Variants in PTPRM observed in about 807,000 individuals in gnomAD.
PTPRM encodes protein tyrosine phosphatase receptor type M, also known as receptor-type tyrosine-protein phosphatase mu.
A neutral mutation model predicts 186.7 loss-of-function variants in PTPRM; 47 were observed. The ratio of observed to expected loss-of-function variants is 0.25; its 90% CI spans 0.20 to 0.32. The LOEUF (loss-of-function observed/expected upper bound fraction) is 0.32. Ranked by LOEUF, PTPRM falls within the 10% of genes least tolerant of loss-of-function variation. The probability of loss-of-function intolerance (pLI) is 1.00; values close to 1 mark genes in which losing one functional copy is unlikely to be tolerated. For synonymous variants in PTPRM, 668 were observed against 674.9 expected (o/e 0.99, Z 0.16); for missense variants, 1,494 against 1,865.0 (o/e 0.80, Z 3.66).
chr18:7,625,560 A>T (rs147316618), intron 1 of PTPRM, among the ~76,000 whole-genome samples: 2,157 of 142,514 alleles, frequency 0.015, 21 homozygotes, highest in Middle Eastern at 0.034. Context: ...TTTGAGACAG[A>T]GTCTCGCTCT....
chr18:7,800,347 A>G (rs1045597537), intron 2 of PTPRM, among the ~76,000 whole-genome samples: 1 of 152,162 alleles, frequency 6.6e-6, no homozygotes, highest in African/African-American at 2.4e-5. Flanking sequence ...TTGTTTATAA[A>G]TTCATGTTTT....
chr18:7,644,797 C>T (rs75657673), intron 1 of PTPRM, among the ~76,000 whole-genome samples: 10,100 of 152,114 alleles, frequency 0.066, 460 homozygotes, highest in East Asian at 0.18. Flanking sequence ...ATTAGCACAC[C>T]TATGCTCTGA....
At chr18:8,247,724 A>G in intron 15 of PTPRM, 121 bp from the exon 16 acceptor site, 1 of 678,352 alleles carries the variant, frequency 1.5e-6, no homozygotes. Flanking sequence ...CCACATAGAC[A>G]TCAGTGAGTC....
chr18:8,308,709 A>G (rs2095245158), intron 20 of PTPRM, among the ~76,000 whole-genome samples: 1 of 152,218 alleles, frequency 6.6e-6, no homozygotes, highest in African/African-American at 2.4e-5. Context: ...ATATAGTTAC[A>G]TTTTGCCTGG....
At chr18:8,256,015 C>G (rs2094571317) in intron 19 of PTPRM, among the ~76,000 whole-genome samples, 1 of 152,172 alleles carries the variant, frequency 6.6e-6, no homozygotes, top group East Asian at 1.9e-4. Flanking sequence ...CTTTCTCTAA[C>G]CCCAGGGAGG....
chr18:8,168,808 C>T (rs926138982), intron 14 of PTPRM, among the ~76,000 whole-genome samples: 1 of 152,226 alleles, frequency 6.6e-6, no homozygotes, highest in Non-Finnish European at 1.5e-5. Flanking sequence ...CTCAAACCTA[C>T]ATAGTGACAA....
Position 8,247,895 on chromosome 18 carries a change from T to TC in PTPRM, c.2504dup (p.Val836GlyfsTer3). The TC allele has an allele frequency of 6.2e-7, 1 of 1,602,762 alleles. No individual in the cohort carries two copies. Among genetic ancestry groups the TC allele is most frequent in the Non-Finnish European group, 8.5e-7 (1 of 1,169,728 alleles). Reference sequence around the variant, plus strand: ...AATGAAAACAAATACACTGAGCACATCGGTGCCTAATTCCTATTACCCAGG... The same window carrying TC: ...AATGAAAACAAATACACTGAGCACATCCGGTGCCTAATTCCTATTACCCAGG... On this transcript the variant is annotated frameshift_variant, in exon 16 of 33. Transcript: ENST00000580170. LOFTEE classifies it high-confidence loss of function.
At chr18:7,704,075 C>T (rs1280400170) in intron 1 of PTPRM, among the ~76,000 whole-genome samples, 1 of 152,096 alleles carries the variant, frequency 6.6e-6, no homozygotes, top group Non-Finnish European at 1.5e-5. Context: ...TTTGCTTCGT[C>T]AGTATTTTAT....
intron 2 of PTPRM, among the ~76,000 whole-genome samples, chr18:7,794,686 G>A (rs2043523681): frequency 6.6e-6 from 1 of 152,150 alleles, no homozygotes; most frequent in African/African-American, 2.4e-5. Context: ...AGTATTTTTA[G>A]TGTACTTTTT....
At chr18:8,324,810 G>T (rs1299434126) in intron 22 of PTPRM, among the ~76,000 whole-genome samples, 1 of 152,110 alleles carries the variant, frequency 6.6e-6, no homozygotes, top group African/African-American at 2.4e-5. Flanking sequence ...AAGTGCAAAG[G>T]CCAGATTCAA....
intron 14 of PTPRM, among the ~76,000 whole-genome samples, chr18:8,207,274 T>A (rs918909919): frequency 6.6e-6 from 1 of 152,206 alleles, no homozygotes; most frequent in African/African-American, 2.4e-5. Flanking sequence ...TAGAAATTGG[T>A]ACAGTTTTGT....
At chr18:7,984,937 AC>A (rs2082800040) in intron 7 of PTPRM, among the ~76,000 whole-genome samples, 1 of 94,804 alleles carries the variant, frequency 1.1e-5, no homozygotes, top group Non-Finnish European at 2.1e-5. Flanking sequence ...ATAAATATAT[AC>A]ATATATATAC....
intron 20 of PTPRM, among the ~76,000 whole-genome samples, chr18:8,308,715 CCTGG>C (rs1340308874): frequency 6.6e-6 from 1 of 152,136 alleles, no homozygotes; most frequent in Admixed American, 6.5e-5. Flanking sequence ...TTACATTTTG[CCTGG>C]CTTTTAACTT....
intron 7 of PTPRM, among the ~76,000 whole-genome samples, chr18:8,025,632 A>T (rs1261077894): frequency 6.6e-6 from 1 of 152,210 alleles, no homozygotes; most frequent in Non-Finnish European, 1.5e-5. Flanking sequence ...GCAGAAACAT[A>T]AGAAATGAAT....
chr18:7,875,786 G>A (rs919471121), intron 2 of PTPRM, among the ~76,000 whole-genome samples: 4 of 152,130 alleles, frequency 2.6e-5, no homozygotes, highest in Non-Finnish European at 4.4e-5. Context: ...ATAAAGTCAT[G>A]CATTGCTTGA....
chr18:8,304,075 G>A (rs983156936), intron 20 of PTPRM, among the ~76,000 whole-genome samples: 1 of 152,194 alleles, frequency 6.6e-6, no homozygotes, highest in Non-Finnish European at 1.5e-5. Context: ...TATGTCACCA[G>A]TATGTAGCAG....
At chr18:8,091,357 T>C (rs1218330426) in intron 11 of PTPRM, among the ~76,000 whole-genome samples, 1 of 152,194 alleles carries the variant, frequency 6.6e-6, no homozygotes, top group East Asian at 1.9e-4. Flanking sequence ...CAGTCTCTAA[T>C]ACCTTCTTCC....
At chr18:7,741,462 G>T (rs1040400479) in intron 1 of PTPRM, 1 of 152,116 alleles carries the variant, frequency 6.6e-6, no homozygotes, top group African/African-American at 2.4e-5. Context: ...TAAAACATGG[G>T]CATCAAGGAA....
chr18:8,116,670 TAA>T (rs762454751), intron 13 of PTPRM, among the ~76,000 whole-genome samples: 242 of 152,362 alleles, frequency 1.6e-3, no homozygotes, highest in African/African-American at 4.2e-3. Flanking sequence ...AATAATTATA[TAA>T]ATAACACACT....
Sources: gnomAD v4.1 joint callset for allele counts (sites outside exome capture counted in the v4.1 genomes callset) on GRCh38, gnomAD v4.1.1 for gene constraint, MANE v1.5 for transcripts, NCBI Gene and HGNC (gene_info 2026-07-23, HGNC 2026-07-21) for gene names.